The following IRAG2 variants were observed in gnomAD, a reference collection of about 807,000 sequenced individuals.
IRAG2 encodes the protein lymphoid restricted membrane protein.
Under a neutral mutation model 69.9 loss-of-function variants are expected in IRAG2, and 45 were observed. The ratio of observed to expected loss-of-function variants is 0.64; its 90% CI spans 0.51 to 0.83. IRAG2 has a LOEUF of 0.83. Among genes scored for constraint, IRAG2 ranks in the 40% least tolerant of loss-of-function variants. IRAG2 has a pLI of 0.00. For synonymous variants in IRAG2, 193 were observed against 202.4 expected (o/e 0.95, Z 0.40); for missense variants, 520 against 587.0 (o/e 0.89, Z 1.18).
intron 21 of IRAG2, 46 bp from the exon 22 acceptor site, chr12:25,107,771 A>C: frequency 6.3e-7 from 1 of 1,583,894 alleles, no homozygotes; most frequent in Non-Finnish European, 8.6e-7. Flanking sequence ...AATGTTTCTA[A>C]TGACAAATTA....
intron 3 of IRAG2, among the ~76,000 whole-genome samples, chr12:25,012,316 G>T (rs568533783): frequency 6.6e-6 from 1 of 151,362 alleles, no homozygotes; most frequent in Non-Finnish European, 1.5e-5. Context: ...CACCATGCCC[G>T]GCTAATGCTT....
At chr12:25,086,901 C>CACACA (rs1433207300) in intron 10 of IRAG2, among the ~76,000 whole-genome samples, 3 of 152,126 alleles carry the variant, frequency 2.0e-5, no homozygotes, top group Non-Finnish European at 2.9e-5. Flanking sequence ...ACAGCAGCCA[C>CACACA]ACACAACTCC....
intron 9 of IRAG2, among the ~76,000 whole-genome samples, chr12:25,028,048 C>G (rs1815390545): frequency 6.6e-6 from 1 of 152,186 alleles, no homozygotes; most frequent in African/African-American, 2.4e-5. Flanking sequence ...CCTCAGCCTC[C>G]TGAGTAGCTG....
intron 6 of IRAG2, among the ~76,000 whole-genome samples, chr12:25,073,254 G>A (rs1202781543): frequency 6.6e-6 from 1 of 152,128 alleles, no homozygotes; most frequent in Non-Finnish European, 1.5e-5. Context: ...ATATTTATTT[G>A]TGTATTAGGT....
intron 2 of IRAG2, among the ~76,000 whole-genome samples, chr12:25,006,632 A>T (rs1347780580): frequency 2.6e-5 from 4 of 152,222 alleles, no homozygotes; most frequent in Non-Finnish European, 5.9e-5. Context: ...ACAGAAAACC[A>T]AACACTGCAT....
chr12:25,042,949 T>C (rs999728356), intron 16 of IRAG2, among the ~76,000 whole-genome samples: 7 of 148,934 alleles, frequency 4.7e-5, no homozygotes, highest in Non-Finnish European at 8.9e-5. Context: ...CTCTTGAAAA[T>C]ATAGACTATT....
At chr12:25,015,688 G>A (rs1436123800) in intron 5 of IRAG2, among the ~76,000 whole-genome samples, 3 of 152,154 alleles carry the variant, frequency 2.0e-5, no homozygotes, top group African/African-American at 7.2e-5. Flanking sequence ...TTAATTTCCT[G>A]TGCTTTCTGT....
rs1565562401 is a variant in IRAG2, at chr12:25,077,229, GATATATATATGAA to G, written c.25-2002_25-1990del. Among the ~76,000 whole-genome samples the G allele has an allele frequency of 9.6e-5, 3 of 31,168 alleles. 1 individual carries two copies. The highest frequency in any genetic ancestry group is 2.7e-4 in the Admixed American group (1 of 3,716). 20.4% of individuals were successfully genotyped at this position (31,168 alleles called of 152,430 possible). ...TATATGATATATATGAAATATATAT[GATATATATATGAA>G]ATATATATATGATATATATATGAAA... On this transcript the variant is annotated intron_variant, in intron 6 of 21. Transcript: ENST00000556887.
intron 10 of IRAG2, among the ~76,000 whole-genome samples, chr12:25,085,050 T>C (rs1947476981): frequency 6.6e-6 from 1 of 152,238 alleles, no homozygotes; most frequent in East Asian, 1.9e-4. Flanking sequence ...TGGCAGCATC[T>C]AGGGGTCAGT....
Position 25,081,824 on chromosome 12 carries a change from T to C in IRAG2, c.245-1599T>C, listed in dbSNP as rs1414390550. Reference sequence around the variant, plus strand: ...TTACAATAACATAAAAGGACTACTGTTTCTTGGGGGAAAAAAGTACAGAAT... The same window carrying C: ...TTACAATAACATAAAAGGACTACTGCTTCTTGGGGGAAAAAAGTACAGAAT... On this transcript the variant is annotated intron_variant, in intron 9 of 21. Transcript: ENST00000556887. 2.0e-5 allele frequency among the ~76,000 whole-genome samples: 3 copies of C among 152,270 alleles called. No homozygotes were observed. In the East Asian group the frequency reaches 5.8e-4, roughly 29 times the overall value.
At chr12:25,066,664 T>C (rs979333183) in intron 5 of IRAG2, among the ~76,000 whole-genome samples, 152 bp downstream of exon 5, 2 of 151,644 alleles carry the variant, frequency 1.3e-5, no homozygotes, top group Non-Finnish European at 2.9e-5. Flanking sequence ...TTTCTTTCTT[T>C]CTTTTTTTTT....
chr12:25,103,767 T>G, intron 17 of IRAG2, 70 bp from the exon 18 acceptor site: 2 of 1,085,502 alleles, frequency 1.8e-6, no homozygotes, highest in South Asian at 1.3e-5. Flanking sequence ...TACAAGGATA[T>G]TTATTGGTGT....
intron 1 of IRAG2, among the ~76,000 whole-genome samples, chr12:25,060,741 A>AGAT (rs1225139004): frequency 6.8e-6 from 1 of 147,538 alleles, no homozygotes; most frequent in African/African-American, 2.5e-5. Context: ...GCTCACTGCA[A>AGAT]CCTTCACCTC....
At chr12:25,082,928 C>T (rs1468302316) in intron 9 of IRAG2, among the ~76,000 whole-genome samples, 1 of 152,074 alleles carries the variant, frequency 6.6e-6, no homozygotes. Context: ...AAAGGAATGG[C>T]ACAAGTTAAA....
chr12:25,062,257 G>T (rs10842453), intron 2 of IRAG2, among the ~76,000 whole-genome samples: 65,123 of 151,744 alleles, frequency 0.43, 15,829 homozygotes, highest in East Asian at 0.65. Context: ...ATATTTGCAT[G>T]TATCTGTTTC....
At chr12:25,003,610 G>T (rs188903637), upstream of IRAG2, among the ~76,000 whole-genome samples, 2 of 151,558 alleles carry the variant, frequency 1.3e-5, no homozygotes, top group African/African-American at 4.8e-5. Context: ...TTTTTTAAAG[G>T]TCATATATCT....
intron 6 of IRAG2, chr12:25,017,325 C>A: frequency 4.9e-6 from 6 of 1,231,238 alleles, no homozygotes; most frequent in Non-Finnish European, 6.1e-6. Flanking sequence ...GTGCGGGGAA[C>A]TTTCATTTCT....
At chr12:25,102,092 C>G in intron 16 of IRAG2, 106 bp from the exon 17 acceptor site, 1 of 785,946 alleles carries the variant, frequency 1.3e-6, no homozygotes, top group African/African-American at 1.7e-5. Flanking sequence ...TCTCTAAAGT[C>G]TTAATATCTT....
chr12:25,107,908 C>CTGTT lies in IRAG2; in HGVS notation c.1351_1354dup (p.Ala452ValfsTer72), dbSNP rs748525896. 9.3e-6 allele frequency: 15 copies of CTGTT among 1,614,052 alleles called. No homozygotes were observed. The East Asian group carries it at 1.8e-4, about 19-fold the overall frequency. On this transcript the variant is annotated frameshift_variant, in exon 22 of 22. Coordinates refer to ENST00000556887, the MANE Select transcript of IRAG2 (RefSeq NM_001366544.2). LOFTEE classifies it high-confidence loss of function. The stretch of plus-strand genomic sequence containing the variant: ...CTGGCTCTCTATTGCATTCATTGTA[C>CTGTT]TGTTTGCAGCTTTGATGAGCTTCCT...
Sources: allele counts gnomAD v4.1 joint callset (sites outside exome capture counted in the v4.1 genomes callset), GRCh38; gene constraint gnomAD v4.1.1; transcripts MANE v1.5; gene names NCBI Gene and HGNC (gene_info 2026-07-23, HGNC 2026-07-21).